The following PHACTR4 variants were observed in gnomAD, a reference collection of about 807,000 sequenced individuals.
PHACTR4 encodes the protein phosphatase and actin regulator 4, also known as protein phosphatase 1, regulatory subunit 124.
A neutral mutation model predicts 72.7 loss-of-function variants in PHACTR4; 51 were observed. The observed-to-expected ratio is 0.70, with a 90% CI of 0.56 to 0.89. The LOEUF is 0.89. Ranked by LOEUF, PHACTR4 falls within the 40% of genes least tolerant of loss-of-function variation. PHACTR4 has a pLI of 0.00. For missense variants in PHACTR4, 731 were observed against 861.8 expected, an observed-to-expected ratio of 0.85 and a Z score of 1.90; for synonymous variants, 255 against 302.5, an observed-to-expected ratio of 0.84 and a Z score of 1.63.
intron 1 of PHACTR4, among the ~76,000 whole-genome samples, chr1:28,399,957 T>C (rs1159226469): frequency 6.6e-6 from 1 of 152,198 alleles, no homozygotes; most frequent in Non-Finnish European, 1.5e-5. Context: ...AATGTGCTTG[T>C]TATGTTACAG....
chr1:28,438,346 G>T (rs537553880), intron 2 of PHACTR4: 3 of 1,600,702 alleles, frequency 1.9e-6, no homozygotes, highest in Admixed American at 1.7e-5. Flanking sequence ...TTTTGTCCGG[G>T]ACAGTTTGTT....
chr1:28,476,865 G>A (rs1659961239), intron 8 of PHACTR4, among the ~76,000 whole-genome samples: 1 of 141,842 alleles, frequency 7.1e-6, no homozygotes, highest in South Asian at 2.2e-4. Flanking sequence ...CCACCTCCCA[G>A]GTTCAAGCAA....
rs141243928 is a variant in PHACTR4, at chr1:28,473,834, T to G, written c.1104T>G (p.Val368=). 1.7e-4 allele frequency: 267 copies of G among 1,614,002 alleles called. 2 individuals carry two copies. In the African/African-American group the frequency reaches 3.2e-3, roughly 19 times the overall value. The change falls in exon 7 of 14, where the codon GTT becomes GTG. Residue 368 remains valine, a synonymous_variant. Coordinates refer to ENST00000373839, the MANE Select transcript of PHACTR4 (RefSeq NM_001048183.3). ...TPPFPAKTFQ[V]VPEIEFPPSL... ...CATTCCCTGCTAAGACTTTTCAAGT[T>G]GTGCCAGAAATTGAGTTTCCACCAT...
chr1:28,444,213 G>T (rs1286727837), intron 2 of PHACTR4, among the ~76,000 whole-genome samples: 2 of 103,276 alleles, frequency 1.9e-5, no homozygotes, highest in African/African-American at 3.5e-5. Flanking sequence ...AATATATTTG[G>T]CTTTTTTTTT....
chr1:28,375,209 GACTT>G (rs1466096182), intron 1 of PHACTR4, among the ~76,000 whole-genome samples: 2 of 152,156 alleles, frequency 1.3e-5, no homozygotes, highest in Admixed American at 1.3e-4. Context: ...TGAGGCATGA[GACTT>G]GCTTGATCCC....
At chr1:28,474,221 TATAAAA>T (rs1659771473) in intron 7 of PHACTR4, 70 bp downstream of exon 7, 3 of 1,413,554 alleles carry the variant, frequency 2.1e-6, no homozygotes, top group Middle Eastern at 1.9e-4. Flanking sequence ...AAAAATTACT[TATAAAA>T]AGAAAATGTG....
At chr1:28,487,537 A>AAAAAAAG (rs1553205919) in intron 9 of PHACTR4, among the ~76,000 whole-genome samples, 2 of 146,282 alleles carry the variant, frequency 1.4e-5, no homozygotes, top group African/African-American at 5.1e-5. Context: ...AAAAAAAAAA[A>AAAAAAAG]GGAAGGTCTT....
Position 28,489,152 on chromosome 1 carries a change from T to C in PHACTR4, c.1761-18T>C. The C allele has an allele frequency of 6.2e-7, 1 of 1,608,188 alleles. No homozygotes were observed. The highest frequency in any genetic ancestry group is 8.5e-7 in the Non-Finnish European group (1 of 1,175,940). On this transcript the variant is annotated intron_variant, in intron 9 of 13. Transcript: ENST00000373839. ...GGAGGTTTAACATAAACATTACCTTTATTTATCTCATTTTTAGGCGACTGA... is the reference window on the plus strand; with the variant it reads ...GGAGGTTTAACATAAACATTACCTTCATTTATCTCATTTTTAGGCGACTGA...
At chr1:28,487,537 A>G (rs72661788) in intron 9 of PHACTR4, among the ~76,000 whole-genome samples, 22 of 146,280 alleles carry the variant, frequency 1.5e-4, no homozygotes, top group African/African-American at 4.6e-4. Flanking sequence ...AAAAAAAAAA[A>G]GGAAGGTCTT....
rs772135049 is a variant in PHACTR4 at position 28,489,225 on chromosome 1, C to T, written c.1816C>T (p.Pro606Ser). ...EELEQRNILQ[P>S]KNEADRQAEK... ...ACTAGAACAACGCAATATATTGCAACGTGAGTCCAGTTATGGAAATAAAGT... is the reference window on the plus strand; with the variant it reads ...ACTAGAACAACGCAATATATTGCAATGTGAGTCCAGTTATGGAAATAAAGT... The change falls in exon 10 of 14, where the codon CCT (proline) becomes TCT (serine). Residue 606 changes from proline (P) to serine (S), a missense_variant and splice_region_variant. By Grantham distance (74) the Pro-to-Ser change is moderately conservative. Transcript: ENST00000373839. The T allele has an allele frequency of 1.4e-5, 22 of 1,608,976 alleles. No individual in the cohort carries two copies. The South Asian group carries it at 2.3e-4, about 17-fold the overall frequency.
chr1:28,442,856 G>A (rs1025233602), intron 2 of PHACTR4, among the ~76,000 whole-genome samples: 1 of 151,978 alleles, frequency 6.6e-6, no homozygotes, highest in Non-Finnish European at 1.5e-5. Flanking sequence ...GCTACATAAT[G>A]GATATTTCCA....
At chr1:28,379,790 C>T (rs983418401) in intron 1 of PHACTR4, among the ~76,000 whole-genome samples, 5 of 150,560 alleles carry the variant, frequency 3.3e-5, no homozygotes, top group South Asian at 2.1e-4. Context: ...GGGGTTTCAC[C>T]GTGTTAGCCA....
chr1:28,466,024 C>T (rs1659139830), intron 5 of PHACTR4, among the ~76,000 whole-genome samples, 175 bp downstream of exon 5: 1 of 152,186 alleles, frequency 6.6e-6, no homozygotes. Flanking sequence ...CTTTTATTCA[C>T]TAAATACCTA....
chr1:28,428,228 C>T (rs548622251), intron 2 of PHACTR4, among the ~76,000 whole-genome samples: 2 of 152,276 alleles, frequency 1.3e-5, no homozygotes, highest in South Asian at 2.1e-4. Flanking sequence ...ACCTTTTGCT[C>T]ACTTACTTTT....
At chr1:28,459,392 C>CTTA in intron 3 of PHACTR4, 134 bp downstream of exon 3, 8 of 401,622 alleles carry the variant, frequency 2.0e-5, no homozygotes, top group East Asian at 5.3e-5. Flanking sequence ...TTCTTTCCTT[C>CTTA]TTCTTTTTTT....
At chr1:28,493,206 CA>C in intron 13 of PHACTR4, 115 bp downstream of exon 13, 1 of 868,846 alleles carries the variant, frequency 1.2e-6, no homozygotes, top group Non-Finnish European at 1.8e-6. Context: ...GTGTTGATTG[CA>C]AGACTGCATT....
intron 1 of PHACTR4, 147 bp from the exon 2 acceptor site, chr1:28,407,263 A>AT: frequency 7.2e-6 from 3 of 414,026 alleles, no homozygotes; most frequent in Non-Finnish European, 1.3e-5. Context: ...AAAAAAAAAA[A>AT]ACTATCATTT....
chr1:28,449,042 C>T (rs1657738773), intron 2 of PHACTR4, among the ~76,000 whole-genome samples: 1 of 152,034 alleles, frequency 6.6e-6, no homozygotes, highest in African/African-American at 2.4e-5. Flanking sequence ...TTCTCAGAGG[C>T]TGAGGCAGGA....
intron 1 of PHACTR4, among the ~76,000 whole-genome samples, chr1:28,389,932 T>C (rs1009112509): frequency 3.3e-5 from 5 of 152,178 alleles, no homozygotes; most frequent in Non-Finnish European, 5.9e-5. Context: ...CATTGCAGCA[T>C]TATTCACAAG....
Sources: gnomAD v4.1 joint callset for allele counts (sites outside exome capture counted in the v4.1 genomes callset) on GRCh38, gnomAD v4.1.1 for gene constraint, MANE v1.5 for transcripts, NCBI Gene and HGNC (gene_info 2026-07-23, HGNC 2026-07-21) for gene names.